UBE4B: variants seen among roughly 807,000 people sequenced by gnomAD.
UBE4B encodes ubiquitination factor E4B.
Under a neutral mutation model 148.1 loss-of-function variants are expected in UBE4B, and 27 were observed. The observed-to-expected ratio is 0.18, with a 90% CI of 0.13 to 0.25. UBE4B has a LOEUF of 0.25. Ranked by LOEUF, UBE4B falls within the 10% of genes least tolerant of loss-of-function variation. The probability of loss-of-function intolerance (pLI) is 1.00; values close to 1 mark genes in which losing one functional copy is unlikely to be tolerated. For missense variants in UBE4B, 1,170 were observed against 1,662.4 expected (o/e 0.70, Z 5.15); for synonymous variants, 596 against 619.3 (o/e 0.96, Z 0.56).
chr1:10,168,285 G>T lies in UBE4B; in HGVS notation c.3333+15G>T. On this transcript the variant is annotated intron_variant, in intron 24 of 27. Transcript: ENST00000343090. The surrounding 1 kb of genome is among the most constrained non-coding windows in gnomAD (Gnocchi z 4.9). The stretch of plus-strand genomic sequence containing the variant: ...TCCTCAGACCGGTGAGTAGAAACCC[G>T]GGGCTCTGTTTGGTGGTTTGGACTC... The T allele has an allele frequency of 1.2e-6, 2 of 1,613,022 alleles. No homozygotes were observed. The highest frequency in any genetic ancestry group is 2.2e-5 in the East Asian group (1 of 44,810).
In UBE4B at chr1:10,179,888, T is replaced by G. The variant is rs1646481218; in HGVS notation, c.3848-7T>G. 6.2e-7 allele frequency: 1 copy of G among 1,613,814 alleles called. No individual in the cohort carries two copies. The highest frequency in any genetic ancestry group is 1.3e-5 in the African/African-American group (1 of 75,056). On this transcript the variant is annotated splice_polypyrimidine_tract_variant and splice_region_variant and intron_variant, in intron 27 of 27. Transcript: ENST00000343090. ...GGGCATTAATCCTCCTTTTTTTCTT[T>G]TCTCAGTGCCAGAACTGAAAGAGCA...
At chr1:10,079,905 C>T (rs1033938169) in intron 2 of UBE4B, among the ~76,000 whole-genome samples, 3 of 152,146 alleles carry the variant, frequency 2.0e-5, no homozygotes, top group African/African-American at 7.2e-5. Flanking sequence ...TAAATGGCTT[C>T]TGTCTGTTGG....
intron 2 of UBE4B, among the ~76,000 whole-genome samples, chr1:10,086,405 G>T (rs929157883): frequency 6.6e-6 from 1 of 152,170 alleles, no homozygotes; most frequent in African/African-American, 2.4e-5. Context: ...ACTGTGAAAT[G>T]TATTCTTAGT....
intron 17 of UBE4B, among the ~76,000 whole-genome samples, chr1:10,138,851 CT>C (rs1454157046): frequency 6.6e-6 from 1 of 152,124 alleles, no homozygotes; most frequent in Non-Finnish European, 1.5e-5. Flanking sequence ...GTTGAGGAGA[CT>C]AGACTTTTTT....
At chr1:10,141,577 G>A (rs1467629211) in intron 17 of UBE4B, among the ~76,000 whole-genome samples, 2 of 152,120 alleles carry the variant, frequency 1.3e-5, no homozygotes, top group Non-Finnish European at 2.9e-5. Flanking sequence ...TAGAAAACTA[G>A]CATAACACAT....
In UBE4B at chr1:10,080,890, G is replaced by A. The variant is rs142671692; in HGVS notation, c.211+8676G>A. ...TCATACAAATAGACAGTAGATGGTGGTTACCAGAGGCTGGGGAATGGGGGT... is the reference window on the plus strand; with the variant it reads ...TCATACAAATAGACAGTAGATGGTGATTACCAGAGGCTGGGGAATGGGGGT... On this transcript the variant is annotated intron_variant, in intron 2 of 27. Transcript: ENST00000343090. Among the ~76,000 whole-genome samples, 452 of 152,248 alleles carry A rather than the reference G, an allele frequency of 3.0e-3. 2 individuals carry two copies. Among genetic ancestry groups the A allele is most frequent in the African/African-American group, 0.01 (432 of 41,546 alleles).
rs55936075 is a variant in UBE4B at position 10,111,044 on chromosome 1, G to GACACACACACACAC, written c.1196+4497_1196+4510dup. On this transcript the variant is annotated intron_variant, in intron 7 of 27. Transcript: ENST00000343090. ...TCTCTCTCTGTCTTTCTCTGTCTCT[G>GACACACACACACAC]ACACACACACACACACACACACACA... 2.4e-3 allele frequency among the ~76,000 whole-genome samples: 273 copies of GACACACACACACAC among 113,428 alleles called. 3 individuals carry two copies. The highest frequency in any genetic ancestry group is 6.9e-3 in the African/African-American group (213 of 30,852). 74.4% of individuals were successfully genotyped at this position (113,428 alleles called of 152,430 possible). A position where few individuals can be genotyped will look rare whatever the true frequency, so the allele number is the denominator to read the frequency against.
In UBE4B at chr1:10,161,541, C is replaced by T. The variant is rs1299220344; in HGVS notation, c.3198+255C>T. Among the ~76,000 whole-genome samples, 1 of 151,980 alleles carries T rather than the reference C, an allele frequency of 6.6e-6. No individual in the cohort carries two copies. The highest frequency in any genetic ancestry group is 1.5e-5 in the Non-Finnish European group (1 of 67,992). On this transcript the variant is annotated intron_variant, in intron 23 of 27. Transcript: ENST00000343090. The surrounding 1 kb of genome is among the most constrained non-coding windows in gnomAD (Gnocchi z 4.1). ...TCTCTGCCTTTTTAATTTTAAAGGG[C>T]TTTTTTGGAGATGAGCTTTTATTGT... is the stretch of plus-strand genomic sequence containing the variant.
At chr1:10,132,581 A>G (rs1275046945) in intron 15 of UBE4B, 99 bp downstream of exon 15, 2 of 937,836 alleles carry the variant, frequency 2.1e-6, no homozygotes, top group South Asian at 1.5e-5. Flanking sequence ...GAGTGGGGGT[A>G]CAGTATTGAA....
At chr1:10,103,220 C>T in intron 5 of UBE4B, 128 bp downstream of exon 5, 2 of 916,436 alleles carry the variant, frequency 2.2e-6, no homozygotes, top group African/African-American at 1.6e-5. Context: ...GACAGGGATA[C>T]TTCTTGATGA....
At chr1:10,123,299 C>T (rs371238521) in intron 10 of UBE4B, among the ~76,000 whole-genome samples, 42 of 151,636 alleles carry the variant, frequency 2.8e-4, no homozygotes, top group African/African-American at 9.2e-4. Context: ...GGTGTGGTGA[C>T]GGGTGTCTGT....
At chr1:10,071,164 C>T (rs1644477796) in intron 1 of UBE4B, among the ~76,000 whole-genome samples, 1 of 152,126 alleles carries the variant, frequency 6.6e-6, no homozygotes, top group Non-Finnish European at 1.5e-5. Flanking sequence ...CTCAGCCTCC[C>T]AGAGTGCTGG....
At position 10,179,402 on chromosome 1, in the gene UBE4B, C is replaced by T; in HGVS notation, c.3701-14C>T. On this transcript the variant is annotated splice_polypyrimidine_tract_variant and intron_variant, in intron 26 of 27. Coordinates refer to ENST00000343090, the MANE Select transcript of UBE4B (RefSeq NM_001105562.3). The stretch of plus-strand genomic sequence containing the variant: ...TCTCAGTAGATTAGAGTTTGCTTTG[C>T]TTTGTCCCCGCAGACCCTCTGATGG... 6.2e-7 allele frequency: 1 copy of T among 1,612,488 alleles called. No individual in the cohort carries two copies.
chr1:10,141,326 A>C (rs1645778811), intron 17 of UBE4B, among the ~76,000 whole-genome samples: 1 of 152,040 alleles, frequency 6.6e-6, no homozygotes, highest in East Asian at 1.9e-4. Flanking sequence ...TCTTCATAAG[A>C]GGGAATCAGG....
intron 2 of UBE4B, among the ~76,000 whole-genome samples, chr1:10,093,930 A>G (rs918853829): frequency 5.3e-5 from 8 of 152,116 alleles, no homozygotes; most frequent in African/African-American, 1.9e-4. Context: ...CCTGACCTCA[A>G]ATGATCTGCC....
intron 1 of UBE4B, among the ~76,000 whole-genome samples, chr1:10,063,057 C>T (rs1266635162): frequency 2.0e-5 from 3 of 151,844 alleles, no homozygotes; most frequent in Non-Finnish European, 4.4e-5. Context: ...CACCTGAGGT[C>T]AGGAATTCGA....
chr1:10,148,591 C>T (rs925117966), intron 19 of UBE4B, among the ~76,000 whole-genome samples: 10 of 149,368 alleles, frequency 6.7e-5, no homozygotes, highest in Non-Finnish European at 8.9e-5. Flanking sequence ...GAGATCACGC[C>T]ACTGTACTCC....
At chr1:10,105,471 G>C (rs202097679) in intron 5 of UBE4B, 45 bp from the exon 6 acceptor site, 3 of 1,580,828 alleles carry the variant, frequency 1.9e-6, no homozygotes, top group Non-Finnish European at 2.6e-6. Context: ...TGTAACCTGT[G>C]TTCGAACTGT....
chr1:10,112,682 T>A (rs938678512), intron 7 of UBE4B, among the ~76,000 whole-genome samples: 2 of 152,284 alleles, frequency 1.3e-5, no homozygotes, highest in African/African-American at 4.8e-5. Context: ...TATTTCTCCA[T>A]AGCATAAATT....
Sources: allele counts gnomAD v4.1 joint callset (sites outside exome capture counted in the v4.1 genomes callset), GRCh38; gene constraint gnomAD v4.1.1; non-coding constraint Gnocchi (gnomAD v3.1); transcripts MANE v1.5; gene names NCBI Gene and HGNC (gene_info 2026-07-23, HGNC 2026-07-21).